The following FRY variants were observed in gnomAD, a reference collection of about 807,000 sequenced individuals.
FRY encodes the protein protein furry homolog.
FRY carries 128 observed loss-of-function variants against 348.4 expected under a neutral mutation model. The ratio of observed to expected loss-of-function variants is 0.37; its 90% confidence interval spans 0.32 to 0.43. The LOEUF is 0.43. Ranked by LOEUF, FRY falls within the 20% of genes least tolerant of loss-of-function variation. FRY has a pLI of 1.00. For synonymous variants in FRY, 1,370 were observed against 1,374.7 expected (o/e 1.00, Z 0.08); for missense variants, 2,736 against 3,695.2 (o/e 0.74, Z 6.73).
chr13:32,063,460 C>T (rs996902709), intron 1 of FRY, among the ~76,000 whole-genome samples: 23 of 151,914 alleles, frequency 1.5e-4, no homozygotes, highest in African/African-American at 5.6e-4. Context: ...CCATGACCCA[C>T]AGTAAGAACC....
At chr13:32,103,457 G>T (rs1488479865) in intron 3 of FRY, among the ~76,000 whole-genome samples, 1 of 152,182 alleles carries the variant, frequency 6.6e-6, no homozygotes, top group Admixed American at 6.5e-5. Context: ...ATTGAACAAT[G>T]AGAACACATG....
At chr13:32,083,056 T>C (rs1314280015) in intron 2 of FRY, among the ~76,000 whole-genome samples, 1 of 152,196 alleles carries the variant, frequency 6.6e-6, no homozygotes, top group African/African-American at 2.4e-5. Flanking sequence ...TCTTCTCTTT[T>C]TCTGGTACTT....
intron 17 of FRY, among the ~76,000 whole-genome samples, chr13:32,169,792 A>T (rs938968357): frequency 3.9e-5 from 6 of 152,248 alleles, no homozygotes; most frequent in African/African-American, 7.2e-5. Flanking sequence ...GCCTTTGCTT[A>T]TTAAATAAAT....
At chr13:32,099,665 AT>A (rs1211389239) in intron 2 of FRY, among the ~76,000 whole-genome samples, 1 of 152,026 alleles carries the variant, frequency 6.6e-6, no homozygotes, top group Non-Finnish European at 1.5e-5. Flanking sequence ...ATATGTAAAA[AT>A]TTCTTTCTGA....
At chr13:32,147,448 T>A in intron 12 of FRY, 63 bp downstream of exon 12, 1 of 861,278 alleles carries the variant, frequency 1.2e-6, no homozygotes, top group South Asian at 1.4e-5. Flanking sequence ...GTGTTTCTTT[T>A]ATTACTACCT....
Position 32,178,938 on chromosome 13 carries a change from G to A in FRY, c.2776G>A (p.Ala926Thr). The A allele has an allele frequency of 1.2e-6, 2 of 1,612,344 alleles. No homozygotes were observed. The highest frequency in any genetic ancestry group is 2.2e-5 in the South Asian group (2 of 91,040). ...RNYLILCFGV[A>T]KPSIMSPGHL... is the part of the protein sequence containing the mutation. ...TTACCTAATTCTTTGTTTTGGAGTT[G>A]CAAAACCCAGTATTATGAGCCCAGG... The change falls in exon 22 of 61, where the codon GCA (alanine) becomes ACA (threonine). Residue 926 changes from alanine (A) to threonine (T), a missense_variant. Physicochemically the swap from Ala to Thr is moderately conservative, Grantham distance 58 (BLOSUM62 0). Around this residue, in one of 9 missense-constraint regions of FRY, gnomAD observed 449 missense variants for 576.9 expected, o/e 0.78. Coordinates refer to ENST00000542859, the MANE Select transcript of FRY (RefSeq NM_023037.3).
chr13:32,122,103 C>A lies in FRY; in HGVS notation c.465-2183C>A, dbSNP rs557118233. 2.6e-5 allele frequency among the ~76,000 whole-genome samples: 4 copies of A among 152,130 alleles called. No individual in the cohort carries two copies. In the South Asian group the frequency reaches 8.3e-4, roughly 32 times the overall value. On this transcript the variant is annotated intron_variant, in intron 4 of 60. Coordinates refer to ENST00000542859, the MANE Select transcript of FRY (RefSeq NM_023037.3). ...CAGTTAGCTGTAAACACCACATAAA[C>A]AGAATTAAAAACAAAAATCACATGT...
intron 4 of FRY, among the ~76,000 whole-genome samples, chr13:32,120,429 C>T (rs971245316): frequency 2.0e-5 from 3 of 152,048 alleles, no homozygotes; most frequent in African/African-American, 7.2e-5. Flanking sequence ...CCTTCCTGTT[C>T]TTCTGACAGT....
chr13:32,187,737 G>A (rs557296874), intron 28 of FRY, 81 bp downstream of exon 28: 37 of 787,128 alleles, frequency 4.7e-5, no homozygotes, highest in Non-Finnish European at 7.6e-5. Context: ...TGTAAGCATT[G>A]TTCACAATAC....
At chr13:32,187,716 T>G in intron 28 of FRY, 60 bp downstream of exon 28, 5 of 895,306 alleles carry the variant, frequency 5.6e-6, no homozygotes, top group Non-Finnish European at 9.5e-6. Context: ...CTCAGTTGAG[T>G]TACTGAGATG....
chr13:32,163,130 C>T (rs1984843), intron 17 of FRY, among the ~76,000 whole-genome samples: 19,181 of 152,112 alleles, frequency 0.13, 1,295 homozygotes, highest in East Asian at 0.26. Flanking sequence ...CTACTGAAAA[C>T]ATAAAGGAGA....
chr13:32,212,131 T>A (rs1363388833), intron 34 of FRY, among the ~76,000 whole-genome samples, 161 bp from the exon 35 acceptor site: 4 of 152,246 alleles, frequency 2.6e-5, no homozygotes, highest in Admixed American at 1.3e-4. Flanking sequence ...GGTGTGGGCT[T>A]GGAAGATTGT....
intron 1 of FRY, among the ~76,000 whole-genome samples, chr13:32,032,618 C>T (rs758881501): frequency 6.6e-6 from 1 of 152,074 alleles, no homozygotes; most frequent in Admixed American, 6.5e-5. Flanking sequence ...TTTAGCAATA[C>T]GCTATTTCAA....
chr13:32,219,854 G>A lies in FRY; in HGVS notation c.4765+1023G>A, dbSNP rs1476820843. On this transcript the variant is annotated intron_variant, in intron 36 of 60. Transcript: ENST00000542859. ...CTGTTCCTATGTTGAATTTCTCAAT[G>A]GCATAGTCTCCATAGCCTATTGAAA... Among the ~76,000 whole-genome samples, 3 of 152,144 alleles carry A rather than the reference G, an allele frequency of 2.0e-5. No individual in the cohort carries two copies. In the East Asian group the frequency reaches 5.8e-4, roughly 29 times the overall value.
At chr13:32,134,674 A>T (rs1879587655) in intron 8 of FRY, among the ~76,000 whole-genome samples, 1 of 152,240 alleles carries the variant, frequency 6.6e-6, no homozygotes, top group Non-Finnish European at 1.5e-5. Context: ...TAGAATAGTG[A>T]ATTGAAATAT....
intron 2 of FRY, among the ~76,000 whole-genome samples, chr13:32,092,629 G>C (rs894955024): frequency 6.6e-6 from 1 of 152,218 alleles, no homozygotes; most frequent in Non-Finnish European, 1.5e-5. Context: ...AACTCCTGCA[G>C]AATTCTTCAG....
At chr13:32,100,846 A>G (rs1245473108) in intron 2 of FRY, among the ~76,000 whole-genome samples, 1 of 152,082 alleles carries the variant, frequency 6.6e-6, no homozygotes, top group African/African-American at 2.4e-5. Flanking sequence ...GCATCTTCAC[A>G]TGGCAGAAGG....
In FRY at chr13:32,147,885, G is replaced by T; in HGVS notation, c.1330G>T (p.Gly444Cys). 1 of 1,611,970 alleles carries T rather than the reference G, an allele frequency of 6.2e-7. No homozygotes were observed. The highest frequency in any genetic ancestry group is 8.5e-7 in the Non-Finnish European group (1 of 1,178,080). The change falls in exon 13 of 61, where the codon GGT (glycine) becomes TGT (cysteine). Residue 444 changes from glycine (G) to cysteine (C), a missense_variant. Around this residue, in one of 9 missense-constraint regions of FRY, gnomAD observed 191 missense variants for 370.2 expected, o/e 0.52. Coordinates refer to ENST00000542859, the MANE Select transcript of FRY (RefSeq NM_023037.3). Reference sequence around the variant, plus strand: ...AACACTTTTCCCCAAAGGGTCCCGCGGTGTGGTACCAAGGGACATGCCTCT... The same window carrying T: ...AACACTTTTCCCCAAAGGGTCCCGCTGTGTGGTACCAAGGGACATGCCTCT... ...ITTLFPKGSRGVVPRDMPLNI... is the reference protein window; with the variant it reads ...ITTLFPKGSRCVVPRDMPLNI...
chr13:32,194,302 G>A lies in FRY; in HGVS notation c.3746+5G>A, dbSNP rs371488380. On this transcript the variant is annotated splice_donor_5th_base_variant and intron_variant, in intron 29 of 60. Transcript: ENST00000542859. Reference sequence around the variant, plus strand: ...AGCAACTGTGTGTGGAAGCAGGTACGAATTTTTATAAGCAGTGATGAGTGG... The same window carrying A: ...AGCAACTGTGTGTGGAAGCAGGTACAAATTTTTATAAGCAGTGATGAGTGG... The A allele has an allele frequency of 1.3e-5, 21 of 1,613,746 alleles. No homozygotes were observed. The highest frequency in any genetic ancestry group is 2.2e-5 in the East Asian group (1 of 44,884).
Sources: allele counts gnomAD v4.1 joint callset (sites outside exome capture counted in the v4.1 genomes callset), GRCh38; gene constraint gnomAD v4.1.1; regional missense constraint gnomAD v4.1.1; transcripts MANE v1.5; gene names NCBI Gene and HGNC (gene_info 2026-07-23, HGNC 2026-07-21).